The following MYCBP2 variants were observed in gnomAD, a reference collection of about 807,000 sequenced individuals.
MYCBP2 encodes E3 ubiquitin-protein ligase MYCBP2.
Under a neutral mutation model 525.3 loss-of-function variants are expected in MYCBP2, and 120 were observed. The observed-to-expected ratio is 0.23, with a 90% CI of 0.20 to 0.27. MYCBP2 has a LOEUF of 0.27. MYCBP2 is among the 10% of genes least tolerant of loss of function. The pLI is 1.00. For missense variants in MYCBP2, 4,149 were observed against 5,657.1 expected (o/e 0.73, Z 8.55); for synonymous variants, 1,894 against 1,955.8 (o/e 0.97, Z 0.83).
rs181672795 is a variant in MYCBP2 at position 77,187,099 on chromosome 13, T to C, written c.4252-1036A>G. ...TGCTGGGATTATAGGCGTGAGCCAA[T>C]GTGCTAAGCCCTATAGTTTACCTTT... is the stretch of plus-strand genomic sequence containing the variant. On this transcript the variant is annotated intron_variant, in intron 30 of 82. Coordinates refer to ENST00000544440, the MANE Select transcript of MYCBP2 (RefSeq NM_015057.5). 1.8e-4 allele frequency among the ~76,000 whole-genome samples: 28 copies of C among 152,294 alleles called. 1 individual carries two copies. The highest frequency in any genetic ancestry group is 6.7e-4 in the African/African-American group (28 of 41,562).
At chr13:77,303,052 C>T (rs1272165947) in intron 1 of MYCBP2, among the ~76,000 whole-genome samples, 3 of 152,130 alleles carry the variant, frequency 2.0e-5, no homozygotes, top group Admixed American at 6.5e-5. Flanking sequence ...CATGATTAAT[C>T]GGCCAGGCGC....
intron 54 of MYCBP2, among the ~76,000 whole-genome samples, chr13:77,122,288 G>T (rs2050850445): frequency 6.6e-6 from 1 of 151,910 alleles, no homozygotes; most frequent in Non-Finnish European, 1.5e-5. Context: ...AAGTAAAATT[G>T]GGGGGAAAAG....
intron 55 of MYCBP2, among the ~76,000 whole-genome samples, chr13:77,113,286 C>T (rs1008352294): frequency 2.6e-5 from 4 of 152,168 alleles, no homozygotes; most frequent in African/African-American, 9.6e-5. Flanking sequence ...CAGAAGCTTT[C>T]CTATGTTTCC....
chr13:77,308,842 G>A (rs1459267410), intron 1 of MYCBP2, among the ~76,000 whole-genome samples: 1 of 152,174 alleles, frequency 6.6e-6, no homozygotes, highest in Non-Finnish European at 1.5e-5. Context: ...ACATGGCTCA[G>A]TTATCCTAAA....
At chr13:77,201,593 T>A (rs576046118) in intron 26 of MYCBP2, among the ~76,000 whole-genome samples, 1 of 150,808 alleles carries the variant, frequency 6.6e-6, no homozygotes, top group Non-Finnish European at 1.5e-5. Flanking sequence ...AATATACATT[T>A]TTTTCAGCAC....
chr13:77,318,671 T>C (rs780831202), intron 1 of MYCBP2, among the ~76,000 whole-genome samples: 17 of 152,278 alleles, frequency 1.1e-4, no homozygotes, highest in Non-Finnish European at 2.5e-4. Flanking sequence ...GAAGAATCAC[T>C]TGAACCTGGC....
chr13:77,215,331 C>T (rs1274363380), intron 21 of MYCBP2, among the ~76,000 whole-genome samples: 2 of 152,084 alleles, frequency 1.3e-5, no homozygotes, highest in Non-Finnish European at 2.9e-5. Flanking sequence ...TATACACCTT[C>T]AGACTTGGGG....
At chr13:77,135,635 A>G (rs113626238) in intron 52 of MYCBP2, among the ~76,000 whole-genome samples, 236 of 152,232 alleles carry the variant, frequency 1.6e-3, no homozygotes, top group African/African-American at 5.4e-3. Flanking sequence ...CCCTATGCCA[A>G]TTAATTTTGC....
intron 55 of MYCBP2, among the ~76,000 whole-genome samples, chr13:77,112,226 AT>A (rs2048937817): frequency 6.6e-6 from 1 of 150,668 alleles, no homozygotes; most frequent in Non-Finnish European, 1.5e-5. Context: ...ATGGATAACT[AT>A]TTATGATCCC....
chr13:77,163,356 G>A (rs529166409), intron 43 of MYCBP2, among the ~76,000 whole-genome samples: 1 of 152,124 alleles, frequency 6.6e-6, no homozygotes, highest in East Asian at 1.9e-4. Context: ...TATTAAGTGG[G>A]AGAAAAGGGA....
At position 77,058,177 on chromosome 13, in the gene MYCBP2, T is replaced by TA; in HGVS notation, c.13329+40dup. ...TATTTGACAAATATATTCCCCATCT[T>TA]AATGTCTGGATACATTCAATACTTT... is the stretch of plus-strand genomic sequence containing the variant. On this transcript the variant is annotated intron_variant, in intron 78 of 82. Coordinates refer to ENST00000544440, the MANE Select transcript of MYCBP2 (RefSeq NM_015057.5). The surrounding 1 kb of genome is among the most constrained non-coding windows in gnomAD (Gnocchi z 4.1). 6.3e-7 allele frequency: 1 copy of TA among 1,588,078 alleles called. No homozygotes were observed. The highest frequency in any genetic ancestry group is 8.6e-7 in the Non-Finnish European group (1 of 1,162,264).
At chr13:77,249,747 C>T (rs192387583) in intron 15 of MYCBP2, among the ~76,000 whole-genome samples, 2 of 152,084 alleles carry the variant, frequency 1.3e-5, no homozygotes, top group Non-Finnish European at 2.9e-5. Context: ...GAATAAATTT[C>T]AATTCCAACA....
At chr13:77,190,167 C>T (rs1387782042) in intron 29 of MYCBP2, 85 bp downstream of exon 29, 3 of 726,014 alleles carry the variant, frequency 4.1e-6, no homozygotes, top group African/African-American at 3.6e-5. Context: ...ATAATTTCTC[C>T]CTATTATGCC....
At position 77,326,451 on chromosome 13, in the gene MYCBP2, G is replaced by C; in HGVS notation, c.302+23C>G. The C allele has an allele frequency of 3.3e-6, 5 of 1,528,108 alleles. No homozygotes were observed. Among genetic ancestry groups the C allele is most frequent in the Non-Finnish European group, 4.4e-6 (5 of 1,143,462 alleles). 94.7% of individuals were successfully genotyped at this position (1,528,108 alleles called of 1,614,324 possible). A position where few individuals can be genotyped will look rare whatever the true frequency, so the allele number is the denominator to read the frequency against. ...CAAGGAAGGGCGGCATGGGGCGCAA[G>C]GAAGGGCACCCTGGGGACGCACCTG... On this transcript the variant is annotated intron_variant, in intron 1 of 82. Coordinates refer to ENST00000544440, the MANE Select transcript of MYCBP2 (RefSeq NM_015057.5). This position sits in a 1 kb window ranked among gnomAD's most constrained non-coding sequence, Gnocchi z 4.2.
At chr13:77,205,676 G>A in intron 24 of MYCBP2, 78 bp from the exon 25 acceptor site, 2 of 1,235,292 alleles carry the variant, frequency 1.6e-6, no homozygotes, top group Non-Finnish European at 2.2e-6. Context: ...AATGCTATAG[G>A]GGATAAATTA....
Position 77,296,636 on chromosome 13 carries a change from T to G in MYCBP2, c.341A>C (p.Lys114Thr). The G allele has an allele frequency of 6.5e-7, 1 of 1,545,264 alleles. No individual in the cohort carries two copies. The highest frequency in any genetic ancestry group is 8.8e-7 in the Non-Finnish European group (1 of 1,138,646). Residue 114 changes from lysine (K) to threonine (T), a missense_variant, in exon 2 of 83, where the codon AAA (lysine) becomes ACA (threonine). Physicochemically the swap from Lys to Thr is moderately conservative, Grantham distance 78. Around this residue, in one of 21 missense-constraint regions of MYCBP2, gnomAD observed 413 missense variants for 451.2 expected, o/e 0.92. Transcript: ENST00000544440. ...CTTCACTTTTGATTTGCTCTTCTGTTTTCTTTTCAATTTCTTCTTATTTAA... is the reference window on the plus strand; with the variant it reads ...CTTCACTTTTGATTTGCTCTTCTGTGTTCTTTTCAATTTCTTCTTATTTAA... The part of the protein sequence containing the change: ...KILNKKKLKR[K>T]QKSKSKVKTR...
At position 77,269,988 on chromosome 13, in the gene MYCBP2, T is replaced by C; in HGVS notation, c.1260+4A>G. 1.2e-6 allele frequency: 2 copies of C among 1,608,902 alleles called. No homozygotes were observed. The highest frequency in any genetic ancestry group is 1.7e-6 in the Non-Finnish European group (2 of 1,178,310). ...ATTTTGGTTTATTGTGGATAGTTTC[T>C]TACCTGAGCATACCCTAACCAAGAC... On this transcript the variant is annotated splice_donor_region_variant and intron_variant, in intron 7 of 82. Transcript: ENST00000544440.
rs74744261 is a variant in MYCBP2, at chr13:77,314,744, A to T, written c.302+11730T>A. On this transcript the variant is annotated intron_variant, in intron 1 of 82. Transcript: ENST00000544440. The stretch of plus-strand genomic sequence containing the variant: ...TGTATAACCCCAAGAGTGAACCCTA[A>T]TGTAAACTCTGGACTTGAGAGTGAT... Among the ~76,000 whole-genome samples the T allele has an allele frequency of 3.1e-4, 47 of 152,244 alleles. No homozygotes were observed. The East Asian group carries it at 7.5e-3, about 24-fold the overall frequency.
chr13:77,107,476 T>C (rs760380875), intron 55 of MYCBP2, among the ~76,000 whole-genome samples: 11 of 152,108 alleles, frequency 7.2e-5, no homozygotes, highest in Non-Finnish European at 1.6e-4. Context: ...GTGGCTCAAG[T>C]CCGTTATCCT....
Sources: allele counts gnomAD v4.1 joint callset (sites outside exome capture counted in the v4.1 genomes callset), GRCh38; gene constraint gnomAD v4.1.1; regional missense constraint gnomAD v4.1.1; non-coding constraint Gnocchi (gnomAD v3.1); transcripts MANE v1.5; gene names NCBI Gene and HGNC (gene_info 2026-07-23, HGNC 2026-07-21).